Variants in PARD3B observed in about 807,000 individuals in gnomAD.
PARD3B encodes par-3 family cell polarity regulator beta.
Under a neutral mutation model 130.2 loss-of-function variants are expected in PARD3B, and 103 were observed. That is an observed-to-expected ratio of 0.79 (90% CI 0.67 to 0.93). The LOEUF is 0.93. PARD3B is among the 40% of genes least tolerant of loss of function. PARD3B has a pLI of 0.00. For missense variants in PARD3B, 1,609 were observed against 1,499.2 expected, an observed-to-expected ratio of 1.07 and a Z score of -1.21; for synonymous variants, 583 against 553.2, an observed-to-expected ratio of 1.05 and a Z score of -0.76.
At chr2:204,598,362 T>A (rs1274508584) in intron 1 of PARD3B, among the ~76,000 whole-genome samples, 1 of 152,190 alleles carries the variant, frequency 6.6e-6, no homozygotes, top group Non-Finnish European at 1.5e-5. Context: ...CTGTTATTTA[T>A]GTGCTGTTGT....
chr2:204,714,586 A>G (rs2038629207), intron 2 of PARD3B, among the ~76,000 whole-genome samples: 1 of 152,214 alleles, frequency 6.6e-6, no homozygotes, highest in South Asian at 2.1e-4. Flanking sequence ...AGAAAGAAGG[A>G]GGAACATCTT....
intron 1 of PARD3B, among the ~76,000 whole-genome samples, chr2:204,668,016 A>C (rs1227845388): frequency 6.6e-6 from 1 of 152,206 alleles, no homozygotes; most frequent in Non-Finnish European, 1.5e-5. Flanking sequence ...TTTGATAATA[A>C]ACCTACATTT....
intron 1 of PARD3B, among the ~76,000 whole-genome samples, chr2:204,582,793 C>A (rs1350495827): frequency 3.3e-5 from 5 of 151,860 alleles, no homozygotes; most frequent in African/African-American, 1.2e-4. Context: ...TCATTAAAAG[C>A]AACAGAGTGA....
Position 204,903,975 on chromosome 2 carries a change from T to G in PARD3B, c.223-61177T>G, listed in dbSNP as rs181634461. On this transcript the variant is annotated intron_variant, in intron 2 of 22. Coordinates refer to ENST00000406610, the MANE Select transcript of PARD3B (RefSeq NM_001302769.2). ...TTTCTCTGTGCTGAGATATCCCGTTTGCTATTGAATGCTACTTGAAAGAAA... is the reference window on the plus strand; with the variant it reads ...TTTCTCTGTGCTGAGATATCCCGTTGGCTATTGAATGCTACTTGAAAGAAA... 2.6e-5 allele frequency among the ~76,000 whole-genome samples: 4 copies of G among 152,350 alleles called. No individual in the cohort carries two copies. In the East Asian group the frequency reaches 7.7e-4, roughly 29 times the overall value.
intron 3 of PARD3B, among the ~76,000 whole-genome samples, chr2:205,040,264 TTCAGTAC>T (rs1285654840): frequency 2.6e-5 from 4 of 152,180 alleles, no homozygotes; most frequent in Non-Finnish European, 1.5e-5. Flanking sequence ...GCCCGGCTAC[TTCAGTAC>T]TTTTATTGGC....
At chr2:205,008,988 G>C (rs1695496676) in intron 3 of PARD3B, among the ~76,000 whole-genome samples, 1 of 152,058 alleles carries the variant, frequency 6.6e-6, no homozygotes, top group African/African-American at 2.4e-5. Flanking sequence ...AATTAAGAGG[G>C]AAAAATAAAC....
chr2:204,933,911 T>C (rs777979902), intron 2 of PARD3B, among the ~76,000 whole-genome samples: 1 of 152,210 alleles, frequency 6.6e-6, no homozygotes, highest in Non-Finnish European at 1.5e-5. Flanking sequence ...TACAGAAACT[T>C]GCTTGATGCT....
intron 2 of PARD3B, among the ~76,000 whole-genome samples, chr2:204,787,715 A>T (rs1368007804): frequency 6.6e-6 from 1 of 152,216 alleles, no homozygotes; most frequent in Non-Finnish European, 1.5e-5. Flanking sequence ...CCACTGTTCA[A>T]GGATAAAATA....
chr2:205,608,413 C>T (rs1054409945), intron 22 of PARD3B, among the ~76,000 whole-genome samples: 2 of 152,144 alleles, frequency 1.3e-5, no homozygotes, highest in African/African-American at 2.4e-5. Context: ...TGATTTGTTC[C>T]TTTGGTTGCC....
At chr2:205,089,263 A>G (rs1048299347) in intron 4 of PARD3B, among the ~76,000 whole-genome samples, 1 of 148,556 alleles carries the variant, frequency 6.7e-6, no homozygotes, top group Non-Finnish European at 1.5e-5. Context: ...CTCCGCCTCC[A>G]GAGTTCAAGC....
chr2:204,847,665 T>G (rs1292296215), intron 2 of PARD3B, among the ~76,000 whole-genome samples: 1 of 152,206 alleles, frequency 6.6e-6, no homozygotes, highest in Non-Finnish European at 1.5e-5. Context: ...GCTAGCCTTC[T>G]AAGTCATCAG....
chr2:205,046,190 A>T (rs1698763790), intron 3 of PARD3B, among the ~76,000 whole-genome samples: 1 of 152,000 alleles, frequency 6.6e-6, no homozygotes. Context: ...AGATACTGGT[A>T]TGGGACTGGG....
rs181945518 is a variant in PARD3B, at chr2:205,567,544, G to T, written c.3260+14141G>T. 4.1e-3 allele frequency among the ~76,000 whole-genome samples: 594 copies of T among 145,702 alleles called. 6 individuals are homozygous for T. The highest frequency in any genetic ancestry group is 0.014 in the African/African-American group (561 of 39,208). On this transcript the variant is annotated intron_variant, in intron 22 of 22. Coordinates refer to ENST00000406610, the MANE Select transcript of PARD3B (RefSeq NM_001302769.2). The stretch of plus-strand genomic sequence containing the variant: ...TCACCATGTTAGCCAGGATGGTCTC[G>T]ATCTCCTGACCTCATGATCCACCCG...
intron 1 of PARD3B, among the ~76,000 whole-genome samples, chr2:204,647,450 A>T (rs2035314016): frequency 4.0e-5 from 6 of 151,312 alleles, no homozygotes. Context: ...TATGTGGTTT[A>T]TACCTTTTGT....
chr2:204,628,935 G>C (rs1212898660), intron 1 of PARD3B, among the ~76,000 whole-genome samples: 7 of 152,168 alleles, frequency 4.6e-5, no homozygotes, highest in Non-Finnish European at 8.8e-5. Flanking sequence ...GAGTATGGCA[G>C]TTGTAGAATA....
chr2:205,488,713 A>C (rs1331329685), intron 20 of PARD3B, among the ~76,000 whole-genome samples: 1 of 152,208 alleles, frequency 6.6e-6, no homozygotes, highest in East Asian at 1.9e-4. Flanking sequence ...ACATTAGGAA[A>C]GGTGCCTAGG....
In PARD3B at chr2:205,217,061, A is replaced by C. The variant is rs546678690; in HGVS notation, c.2140+23741A>C. On this transcript the variant is annotated intron_variant, in intron 15 of 22. Coordinates refer to ENST00000406610, the MANE Select transcript of PARD3B (RefSeq NM_001302769.2). ...TAACAGAAGGCAAAAGGGTACGCCA[A>C]CATTCTTCCCTAATTCAGGAAATCC... Among the ~76,000 whole-genome samples the C allele has an allele frequency of 7.2e-4, 110 of 152,288 alleles. 1 individual carries two copies. The highest frequency in any genetic ancestry group is 2.5e-3 in the African/African-American group (104 of 41,572).
At chr2:205,357,175 G>C (rs547171964) in intron 18 of PARD3B, among the ~76,000 whole-genome samples, 1 of 152,304 alleles carries the variant, frequency 6.6e-6, no homozygotes, top group South Asian at 2.1e-4. Context: ...ATTAAGCACA[G>C]TGTGTTGTGG....
At chr2:204,844,586 A>T (rs75736386) in intron 2 of PARD3B, among the ~76,000 whole-genome samples, 8,770 of 152,170 alleles carry the variant, frequency 0.058, 370 homozygotes, top group Admixed American at 0.093. Flanking sequence ...GAGCACCTGG[A>T]TGGCGGGGGC....
Sources: gnomAD v4.1 joint callset for allele counts (sites outside exome capture counted in the v4.1 genomes callset) on GRCh38, gnomAD v4.1.1 for gene constraint, MANE v1.5 for transcripts, NCBI Gene and HGNC (gene_info 2026-07-23, HGNC 2026-07-21) for gene names.